MICU1: variants seen among roughly 807,000 people sequenced by gnomAD.
MICU1 encodes the protein mitochondrial calcium uptake 1, also known as calcium uptake protein 1, mitochondrial.
MICU1 carries 45 observed loss-of-function variants against 56.8 expected under a neutral mutation model. That is an observed-to-expected ratio of 0.79 (90% confidence interval 0.62 to 1.02). The LOEUF (loss-of-function observed/expected upper bound fraction) is 1.02. Ranked by LOEUF, MICU1 falls within the 50% of genes least tolerant of loss-of-function variation. The pLI, the probability that MICU1 is intolerant of heterozygous loss-of-function variation, is 0.00. For synonymous variants in MICU1, 186 were observed against 195.1 expected (o/e 0.95, Z 0.39); for missense variants, 504 against 587.1 (o/e 0.86, Z 1.46).
rs529435321 is a variant in MICU1, at chr10:72,409,608, T to C, written c.1072-1571A>G. Among the ~76,000 whole-genome samples the C allele has an allele frequency of 2.0e-5, 3 of 152,292 alleles. No homozygotes were observed. The East Asian group carries it at 5.8e-4, about 29-fold the overall frequency. Reference sequence around the variant, plus strand: ...TGGGAGGCTGAGGTGGGAGGATCGCTTGAGCCTGGGAGGCAGAGGTTGCAG... The same window carrying C: ...TGGGAGGCTGAGGTGGGAGGATCGCCTGAGCCTGGGAGGCAGAGGTTGCAG... On this transcript the variant is annotated intron_variant, in intron 9 of 11. Coordinates refer to ENST00000361114, the MANE Select transcript of MICU1 (RefSeq NM_001195518.2).
chr10:72,523,697 G>A, intron 5 of MICU1: 1 of 712,374 alleles, frequency 1.4e-6, no homozygotes, highest in Non-Finnish European at 2.0e-6. Context: ...TTTTAAGACT[G>A]CCAGCCACCA....
At chr10:72,441,907 C>G (rs905232070) in intron 8 of MICU1, among the ~76,000 whole-genome samples, 2 of 152,094 alleles carry the variant, frequency 1.3e-5, no homozygotes, top group Non-Finnish European at 2.9e-5. Context: ...CGTGAGCCAC[C>G]ACACCCGGTC....
chr10:72,585,200 C>T (rs1445749768), intron 1 of MICU1, among the ~76,000 whole-genome samples: 1 of 151,840 alleles, frequency 6.6e-6, no homozygotes, highest in Non-Finnish European at 1.5e-5. Context: ...GATTCTCACC[C>T]CTCAGCCTCC....
At chr10:72,375,701 G>T in intron 11 of MICU1, 82 bp downstream of exon 11, 1 of 1,293,864 alleles carries the variant, frequency 7.7e-7, no homozygotes, top group Non-Finnish European at 1.1e-6. Flanking sequence ...CACAGATGCT[G>T]TCCGCAAGGC....
chr10:72,415,279 G>A (rs1863949424), intron 9 of MICU1, among the ~76,000 whole-genome samples: 2 of 152,056 alleles, frequency 1.3e-5, no homozygotes, highest in Admixed American at 1.3e-4. Context: ...GCCTCCCAAA[G>A]TGCTGGGATT....
intron 1 of MICU1, among the ~76,000 whole-genome samples, chr10:72,598,003 T>G (rs939623204): frequency 2.0e-5 from 3 of 152,180 alleles, no homozygotes; most frequent in Non-Finnish European, 4.4e-5. Context: ...TGTACCAATC[T>G]GAGGAGAAAT....
chr10:72,533,182 T>G, intron 5 of MICU1: 1 of 1,255,522 alleles, frequency 8.0e-7, no homozygotes, highest in Non-Finnish European at 1.0e-6. Context: ...AAAAACATGT[T>G]TGACTGCTTT....
chr10:72,456,326 T>A (rs931450816), intron 8 of MICU1, among the ~76,000 whole-genome samples: 1 of 152,186 alleles, frequency 6.6e-6, no homozygotes, highest in Non-Finnish European at 1.5e-5. Flanking sequence ...TTCACTCTTG[T>A]GTAATCCCCT....
At position 72,617,597 on chromosome 10, in the gene MICU1, C is replaced by T. The variant is rs183686395; in HGVS notation, c.-2+8413G>A. Among the ~76,000 whole-genome samples the T allele has an allele frequency of 7.2e-5, 11 of 152,180 alleles. No homozygotes were observed. The South Asian group carries it at 8.3e-4, about 11-fold the overall frequency. The stretch of plus-strand genomic sequence containing the variant: ...ATAAAATCCCAGAATTTTGGGAGGC[C>T]GAGGCGGCAGGGTCACTTAAGGCCA... On this transcript the variant is annotated intron_variant, in intron 1 of 11. Coordinates refer to ENST00000361114, the MANE Select transcript of MICU1 (RefSeq NM_001195518.2).
At chr10:72,401,338 C>T (rs1863448444) in intron 10 of MICU1, among the ~76,000 whole-genome samples, 1 of 151,978 alleles carries the variant, frequency 6.6e-6, no homozygotes, top group South Asian at 2.1e-4. Context: ...AAATAATTAC[C>T]ACAATCAAGC....
chr10:72,552,774 G>C (rs1006766151), intron 3 of MICU1, among the ~76,000 whole-genome samples: 1 of 152,108 alleles, frequency 6.6e-6, no homozygotes, highest in African/African-American at 2.4e-5. Flanking sequence ...GGCTGGTCTC[G>C]AACGCCTGAC....
At chr10:72,376,158 A>G (rs576654790) in intron 10 of MICU1, among the ~76,000 whole-genome samples, 2 of 152,010 alleles carry the variant, frequency 1.3e-5, no homozygotes, top group Non-Finnish European at 2.9e-5. Context: ...CGGTGCCTGT[A>G]ATCCCAGCTA....
At chr10:72,557,224 C>G (rs1332868876) in intron 3 of MICU1, among the ~76,000 whole-genome samples, 1 of 152,080 alleles carries the variant, frequency 6.6e-6, no homozygotes, top group Non-Finnish European at 1.5e-5. Flanking sequence ...AAGATACAAC[C>G]CACAGTGCAC....
At chr10:72,553,326 C>T (rs998450467) in intron 3 of MICU1, among the ~76,000 whole-genome samples, 3 of 151,754 alleles carry the variant, frequency 2.0e-5, no homozygotes, top group Middle Eastern at 3.4e-3. Flanking sequence ...CTCTACCTCC[C>T]GGGTTCACGC....
chr10:72,542,698 T>G (rs1839803146), intron 4 of MICU1, among the ~76,000 whole-genome samples: 1 of 152,216 alleles, frequency 6.6e-6, no homozygotes, highest in Non-Finnish European at 1.5e-5. Context: ...GCCCTCTGCC[T>G]CATTATGTGG....
At chr10:72,391,973 C>T (rs1200543199) in intron 10 of MICU1, 1 of 152,012 alleles carries the variant, frequency 6.6e-6, no homozygotes, top group Non-Finnish European at 1.5e-5. Flanking sequence ...AGTGCTCGTC[C>T]GGCAGCACAT....
intron 5 of MICU1, among the ~76,000 whole-genome samples, chr10:72,521,314 A>C (rs912665313): frequency 6.6e-6 from 1 of 152,144 alleles, no homozygotes; most frequent in Non-Finnish European, 1.5e-5. Flanking sequence ...AGGACTTTAA[A>C]AGCAATTTTG....
chr10:72,405,450 A>T (rs1863596645), intron 10 of MICU1, among the ~76,000 whole-genome samples: 1 of 151,822 alleles, frequency 6.6e-6, no homozygotes, highest in Non-Finnish European at 1.5e-5. Flanking sequence ...TGAACTCCTG[A>T]CCTCAGGTGA....
At chr10:72,567,232 T>C (rs749587928) in intron 1 of MICU1, among the ~76,000 whole-genome samples, 2 of 152,058 alleles carry the variant, frequency 1.3e-5, no homozygotes, top group Non-Finnish European at 2.9e-5. Flanking sequence ...TAGTCCCAGC[T>C]ATTCAGGGGG....
Sources: allele counts gnomAD v4.1 joint callset (sites outside exome capture counted in the v4.1 genomes callset), GRCh38; gene constraint gnomAD v4.1.1; transcripts MANE v1.5; gene names NCBI Gene and HGNC (gene_info 2026-07-23, HGNC 2026-07-21).